RGMB: variants seen among roughly 807,000 people sequenced by gnomAD.
RGMB encodes repulsive guidance molecule B.
In RGMB, 16 loss-of-function variants were observed where a neutral mutation model predicts 26.9. The ratio of observed to expected loss-of-function variants is 0.60; its 90% CI spans 0.40 to 0.90. The LOEUF (loss-of-function observed/expected upper bound fraction) is 0.90, where lower values mean the gene tolerates loss of function less well. Ranked by LOEUF, RGMB falls within the 40% of genes least tolerant of loss-of-function variation. The probability of loss-of-function intolerance (pLI) is 0.00; values close to 1 mark genes in which losing one functional copy is unlikely to be tolerated. For synonymous variants in RGMB, 225 were observed against 229.3 expected (o/e 0.98, Z 0.17); for missense variants, 512 against 573.3 (o/e 0.89, Z 1.09).
intron 1 of RGMB, among the ~76,000 whole-genome samples, chr5:98,778,489 A>G (rs1746486462): frequency 6.6e-6 from 1 of 152,232 alleles, no homozygotes; most frequent in Non-Finnish European, 1.5e-5. Context: ...AGACGTCTCC[A>G]TAGTTTAAAG....
chr5:98,784,733 T>C (rs560844060), intron 2 of RGMB, among the ~76,000 whole-genome samples: 9 of 152,366 alleles, frequency 5.9e-5, no homozygotes, highest in Middle Eastern at 3.4e-3. Context: ...CAACCCATTA[T>C]GTTTTTAGCA....
intron 1 of RGMB, among the ~76,000 whole-genome samples, chr5:98,777,333 T>A (rs1304177684): frequency 1.3e-5 from 2 of 152,202 alleles, no homozygotes; most frequent in Non-Finnish European, 2.9e-5. Flanking sequence ...GTGCTGTCAT[T>A]TATCCGTAGT....
At chr5:98,780,939 G>C (rs1366304828) in intron 2 of RGMB, 1 of 150,954 alleles carries the variant, frequency 6.6e-6, no homozygotes. Flanking sequence ...CACTAAAATA[G>C]TGTCCCGACT....
chr5:98,786,943 C>T (rs1283482569), intron 2 of RGMB, among the ~76,000 whole-genome samples: 1 of 152,116 alleles, frequency 6.6e-6, no homozygotes. Context: ...CATGTTGGGA[C>T]ACAGCATGTA....
At position 98,793,135 on chromosome 5, in the gene RGMB, C is replaced by G; in HGVS notation, c.696C>G (p.Tyr232Ter). 6.2e-7 allele frequency: 1 copy of G among 1,613,862 alleles called. No homozygotes were observed. The highest frequency in any genetic ancestry group is 1.1e-5 in the South Asian group (1 of 91,050). ...ATGAGTGTACAGATCAGAAAGTCTA[C>G]CAAGCTGTGACAGATGACCTGCCGG... Reference protein sequence around the residue: ...AHHECTDQKVYQAVTDDLPAA... With the variant: ...AHHECTDQKV The change falls in exon 3 of 3, where the codon TAC (tyrosine) becomes TAG (stop). Residue 232 changes from tyrosine to a stop codon, truncating the protein, a stop_gained. Coordinates refer to ENST00000513185, the MANE Select transcript of RGMB (RefSeq NM_001366508.1). LOFTEE classifies it high-confidence loss of function.
intron 1 of RGMB, among the ~76,000 whole-genome samples, chr5:98,774,519 A>C (rs1257121241): frequency 6.6e-6 from 1 of 152,144 alleles, no homozygotes; most frequent in South Asian, 2.1e-4. Context: ...CCCGAGACAA[A>C]TGTTCCGGAT....
rs756658912 is a variant in RGMB at position 98,779,712 on chromosome 5, G to C, written c.269G>C (p.Gly90Ala). 3.3e-5 allele frequency: 53 copies of C among 1,612,086 alleles called. No individual in the cohort carries two copies. In the East Asian group the frequency reaches 9.1e-4, roughly 28 times the overall value. ...EFCKALRAYA[G>A]CTQRTSKACR... Reference sequence around the variant, plus strand: ...TGCAAGGCCTTGCGTGCCTATGCTGGCTGCACCCAGCGAACTTCAAAAGCC... The same window carrying C: ...TGCAAGGCCTTGCGTGCCTATGCTGCCTGCACCCAGCGAACTTCAAAAGCC... Residue 90 changes from glycine (G) to alanine (A), a missense_variant, in exon 2 of 3, where the codon GGC becomes GCC. Coordinates refer to ENST00000513185, the MANE Select transcript of RGMB (RefSeq NM_001366508.1).
chr5:98,790,699 C>T (rs1324321631), intron 2 of RGMB, among the ~76,000 whole-genome samples: 2 of 152,134 alleles, frequency 1.3e-5, no homozygotes, highest in African/African-American at 4.8e-5. Flanking sequence ...GTTGGCCCAA[C>T]ACAAGTAAAT....
rs202121992 is a variant in RGMB at position 98,793,677 on chromosome 5, A to G, written c.1238A>G (p.Asn413Ser). The change falls in exon 3 of 3, where the codon AAT (asparagine) becomes AGT (serine). Residue 413 changes from asparagine to serine, a missense_variant. By Grantham distance (46) the Asn-to-Ser change is conservative (BLOSUM62 1). Transcript: ENST00000513185. ...ERWHIFPSSG[N>S]GTPRGGSDLS... ...TGGCACATTTTCCCCAGCAGTGGCA[A>G]TGGGACTCCCCGTGGAGGCAGTGAT... is the stretch of plus-strand genomic sequence containing the variant. 1.2e-5 allele frequency: 20 copies of G among 1,613,582 alleles called. No homozygotes were observed. The highest frequency in any genetic ancestry group is 9.3e-5 in the African/African-American group (7 of 75,078).
chr5:98,768,937 G>A (rs1218111758), upstream of RGMB: 1 of 152,206 alleles, frequency 6.6e-6, no homozygotes, highest in Non-Finnish European at 1.5e-5. Flanking sequence ...CTTGGCCGGG[G>A]CGCGGAGTGG....
upstream of RGMB, chr5:98,770,860 C>T (rs570433406): frequency 1.6e-3 from 676 of 412,790 alleles, 3 homozygotes; most frequent in South Asian, 2.1e-3. Context: ...TGTTGGACTC[C>T]GGGCTATTTC....
chr5:98,778,246 AT>A (rs1434331673), intron 1 of RGMB, among the ~76,000 whole-genome samples: 3 of 152,186 alleles, frequency 2.0e-5, no homozygotes, highest in South Asian at 4.1e-4. Flanking sequence ...ATTAGGCTAA[AT>A]TTTAAGTCTT....
intron 1 of RGMB, among the ~76,000 whole-genome samples, chr5:98,774,867 T>C (rs1298701810): frequency 6.6e-6 from 1 of 152,194 alleles, no homozygotes; most frequent in Non-Finnish European, 1.5e-5. Context: ...ATAACCATGC[T>C]GCCTTCTGGA....
chr5:98,781,850 C>CTA (rs1217074730), intron 2 of RGMB, among the ~76,000 whole-genome samples: 83 of 152,172 alleles, frequency 5.5e-4, no homozygotes, highest in Admixed American at 5.9e-4. Flanking sequence ...ATGAATATTG[C>CTA]TATATATATG....
intron 2 of RGMB, among the ~76,000 whole-genome samples, chr5:98,792,566 G>A (rs1479383623): frequency 2.4e-5 from 3 of 123,438 alleles, no homozygotes; most frequent in Admixed American, 8.8e-5. Flanking sequence ...AGGAACCCCC[G>A]ACCTCCACCA....
chr5:98,783,113 A>G (rs972109659), intron 2 of RGMB, among the ~76,000 whole-genome samples: 3 of 152,060 alleles, frequency 2.0e-5, no homozygotes, highest in African/African-American at 7.2e-5. Context: ...TGGTGTGCAC[A>G]GGTATGCTTT....
chr5:98,771,154 G>A (rs1746149060), upstream of RGMB: 1 of 153,374 alleles, frequency 6.5e-6, no homozygotes, highest in Admixed American at 6.5e-5. Context: ...TGGATTCTCC[G>A]GATGTACTGT....
At chr5:98,783,124 C>G (rs1453070448) in intron 2 of RGMB, among the ~76,000 whole-genome samples, 1 of 152,188 alleles carries the variant, frequency 6.6e-6, no homozygotes, top group Non-Finnish European at 1.5e-5. Flanking sequence ...GGTATGCTTT[C>G]TCAAGGCCTC....
upstream of RGMB, among the ~76,000 whole-genome samples, chr5:98,772,248 T>G (rs1746190507): frequency 1.3e-5 from 2 of 152,234 alleles, no homozygotes; most frequent in African/African-American, 4.8e-5. Context: ...CATCATAGTA[T>G]GTAACAAGTA....
Sources: gnomAD v4.1 joint callset for allele counts (sites outside exome capture counted in the v4.1 genomes callset) on GRCh38, gnomAD v4.1.1 for gene constraint, MANE v1.5 for transcripts, NCBI Gene and HGNC (gene_info 2026-07-23, HGNC 2026-07-21) for gene names.